Variants in FAM227B observed in about 807,000 individuals in gnomAD.
FAM227B encodes the protein family with sequence similarity 227 member B.
FAM227B carries 88 observed loss-of-function variants against 73.8 expected under a neutral mutation model. That is an observed-to-expected ratio of 1.19 (90% CI 1.00 to 1.42). The LOEUF is 1.42. Ranked by LOEUF, FAM227B falls within the 40% of genes most tolerant of loss-of-function variation. The probability of loss-of-function intolerance (pLI) is 0.00; values close to 1 mark genes in which losing one functional copy is unlikely to be tolerated. For missense variants in FAM227B, 632 were observed against 590.9 expected, an observed-to-expected ratio of 1.07 and a Z score of -0.72; for synonymous variants, 210 against 190.5, an observed-to-expected ratio of 1.10 and a Z score of -0.84.
intron 11 of FAM227B, among the ~76,000 whole-genome samples, chr15:49,382,130 G>A (rs1473249127): frequency 2.6e-5 from 4 of 151,792 alleles, no homozygotes; most frequent in Non-Finnish European, 5.9e-5. Flanking sequence ...AGGGGAACAG[G>A]GCAAACTTAT....
At chr15:49,499,165 C>CTA (rs2057914818) in intron 11 of FAM227B, among the ~76,000 whole-genome samples, 1 of 53,008 alleles carries the variant, frequency 1.9e-5, no homozygotes, top group Non-Finnish European at 3.3e-5. Flanking sequence ...GACTCCGTCT[C>CTA]AAAAAAAAAA....
At chr15:49,534,838 C>T (rs1422773057) in intron 10 of FAM227B, among the ~76,000 whole-genome samples, 1 of 151,288 alleles carries the variant, frequency 6.6e-6, no homozygotes, top group Non-Finnish European at 1.5e-5. Context: ...CAATGTAATC[C>T]TGGCCAATGG....
At chr15:49,476,920 C>T (rs1332921793) in intron 11 of FAM227B, among the ~76,000 whole-genome samples, 17 of 152,130 alleles carry the variant, frequency 1.1e-4, no homozygotes, top group East Asian at 9.7e-4. Flanking sequence ...ATTAGCCGGG[C>T]GTGGTGGCGG....
chr15:49,563,785 A>C (rs28815194), intron 9 of FAM227B, among the ~76,000 whole-genome samples: 49,906 of 152,050 alleles, frequency 0.33, 8,975 homozygotes, highest in African/African-American at 0.46. Context: ...CTGGCTAGCC[A>C]TACGCTGAAG....
chr15:49,523,382 G>A (rs934153284), intron 10 of FAM227B, among the ~76,000 whole-genome samples: 42 of 152,084 alleles, frequency 2.8e-4, no homozygotes, highest in African/African-American at 4.6e-4. Flanking sequence ...GAGTTTCCCC[G>A]CACAAGCTCT....
At chr15:49,572,210 C>T (rs926226030) in intron 8 of FAM227B, among the ~76,000 whole-genome samples, 7 of 151,984 alleles carry the variant, frequency 4.6e-5, no homozygotes, top group African/African-American at 1.7e-4. Flanking sequence ...TATCCTGCAA[C>T]TTAATTCATA....
intron 8 of FAM227B, among the ~76,000 whole-genome samples, chr15:49,571,118 G>A (rs2075066971): frequency 1.3e-5 from 2 of 151,328 alleles, no homozygotes; most frequent in Non-Finnish European, 3.0e-5. Flanking sequence ...ATCTTACGGT[G>A]ATTCTACTTT....
At chr15:49,529,380 A>G (rs1437028288) in intron 10 of FAM227B, among the ~76,000 whole-genome samples, 1 of 151,686 alleles carries the variant, frequency 6.6e-6, no homozygotes, top group African/African-American at 2.4e-5. Context: ...TGTGTTTACT[A>G]TTTGGGTGAT....
At chr15:49,438,085 G>A (rs2012344649) in intron 11 of FAM227B, among the ~76,000 whole-genome samples, 1 of 151,514 alleles carries the variant, frequency 6.6e-6, no homozygotes, top group African/African-American at 2.4e-5. Context: ...GGTTTGTATG[G>A]GAATTAGTGT....
chr15:49,568,673 GC>G (rs1231390665), intron 8 of FAM227B, among the ~76,000 whole-genome samples: 3 of 151,932 alleles, frequency 2.0e-5, no homozygotes, highest in Non-Finnish European at 1.5e-5. Flanking sequence ...ACAGTACCTG[GC>G]AACAAAAAGC....
Position 49,589,934 on chromosome 15 carries a change from T to A in FAM227B, c.179A>T (p.Asp60Val), listed in dbSNP as rs200235351. ...TGTATAAATTGAAACAAATGAACTA[T>A]CTTCTTTTATTTTTTTCAGAGTGCA... is the stretch of plus-strand genomic sequence containing the variant. ...WSCTLKKIKE[D>V]SSFVSIYTHL... Residue 60 changes from aspartate (D) to valine (V), a missense_variant, in exon 4 of 16, where the codon GAT becomes GTT. By Grantham distance (152) the Asp-to-Val change is radical. Coordinates refer to ENST00000299338, the MANE Select transcript of FAM227B (RefSeq NM_152647.3). 1.2e-6 allele frequency: 2 copies of A among 1,604,918 alleles called. No individual in the cohort carries two copies. Among genetic ancestry groups the A allele is most frequent in the Admixed American group, 3.3e-5 (2 of 59,996 alleles).
intron 13 of FAM227B, among the ~76,000 whole-genome samples, chr15:49,357,472 C>T (rs986452642): frequency 2.0e-5 from 3 of 152,074 alleles, no homozygotes; most frequent in African/African-American, 7.2e-5. Flanking sequence ...TGCAAATAAA[C>T]TAGAAAATCT....
intron 10 of FAM227B, among the ~76,000 whole-genome samples, chr15:49,513,452 G>C (rs1392641802): frequency 6.6e-6 from 1 of 152,002 alleles, no homozygotes; most frequent in East Asian, 1.9e-4. Context: ...TGATGGGGTT[G>C]TTTTTTTCTT....
At chr15:49,449,124 C>T (rs2052492379) in intron 11 of FAM227B, among the ~76,000 whole-genome samples, 1 of 151,916 alleles carries the variant, frequency 6.6e-6, no homozygotes, top group Admixed American at 6.6e-5. Context: ...TTGAATGATA[C>T]CTTCAGTCTG....
intron 5 of FAM227B, among the ~76,000 whole-genome samples, chr15:49,585,996 A>G (rs2076137717): frequency 6.6e-6 from 1 of 152,174 alleles, no homozygotes. Flanking sequence ...TTAAACTACC[A>G]ATCACATTAT....
At chr15:49,492,041 A>G (rs2057156034) in intron 11 of FAM227B, among the ~76,000 whole-genome samples, 1 of 151,844 alleles carries the variant, frequency 6.6e-6, no homozygotes, top group Non-Finnish European at 1.5e-5. Flanking sequence ...ATGCCTACAT[A>G]ATCTTATCTA....
At position 49,561,907 on chromosome 15, in the gene FAM227B, A is replaced by G. The variant is rs970213428; in HGVS notation, c.747+6338T>C. ...TACATAGAGAAGTTACAAGGATCTCAAATTAACAATATAATATTACACCTA... is the reference window on the plus strand; with the variant it reads ...TACATAGAGAAGTTACAAGGATCTCGAATTAACAATATAATATTACACCTA... On this transcript the variant is annotated intron_variant, in intron 9 of 15. Coordinates refer to ENST00000299338, the MANE Select transcript of FAM227B (RefSeq NM_152647.3). Among the ~76,000 whole-genome samples the G allele has an allele frequency of 6.6e-5, 10 of 152,240 alleles. No homozygotes were observed. The South Asian group carries it at 1.0e-3, about 16-fold the overall frequency.
chr15:49,613,262 C>T (rs2078068345), intron 2 of FAM227B, among the ~76,000 whole-genome samples: 1 of 152,130 alleles, frequency 6.6e-6, no homozygotes. Context: ...CGCCTGTAAT[C>T]CCAGCACTTT....
intron 11 of FAM227B, among the ~76,000 whole-genome samples, chr15:49,499,256 T>G (rs2057931799): frequency 6.7e-6 from 1 of 150,206 alleles, no homozygotes; most frequent in South Asian, 2.1e-4. Context: ...TAAATATACA[T>G]GCACCCAACA....
Sources: allele counts gnomAD v4.1 joint callset (sites outside exome capture counted in the v4.1 genomes callset), GRCh38; gene constraint gnomAD v4.1.1; transcripts MANE v1.5; gene names NCBI Gene and HGNC (gene_info 2026-07-23, HGNC 2026-07-21).